The following MBTPS1 variants were observed in gnomAD, a reference collection of about 807,000 sequenced individuals.
The protein encoded by MBTPS1 is membrane-bound transcription factor site-1 protease.
A neutral mutation model predicts 127.8 loss-of-function variants in MBTPS1; 94 were observed. The observed-to-expected ratio is 0.74, with a 90% CI of 0.62 to 0.87. The LOEUF is 0.87. Among genes scored for constraint, MBTPS1 ranks in the 40% least tolerant of loss-of-function variants. The pLI is 0.00. For missense variants in MBTPS1, 1,636 were observed against 1,353.2 expected (o/e 1.21, Z -3.28); for synonymous variants, 632 against 509.4 (o/e 1.24, Z -3.24).
intron 18 of MBTPS1, 127 bp downstream of exon 18, chr16:84,065,563 G>A (rs879201021): frequency 1.4e-6 from 1 of 698,420 alleles, no homozygotes; most frequent in South Asian, 1.6e-5. Context: ...CAACTGTTAT[G>A]GTATGTAAAT....
chr16:84,095,058 T>C (rs74032824), intron 4 of MBTPS1, among the ~76,000 whole-genome samples: 15 of 152,360 alleles, frequency 9.8e-5, no homozygotes, highest in Admixed American at 3.9e-4. Context: ...CTGAATTTTA[T>C]TTCACAGGAC....
chr16:84,079,344 C>A lies in MBTPS1; in HGVS notation c.1448+2403G>T, dbSNP rs190401821. Among the ~76,000 whole-genome samples the A allele has an allele frequency of 1.7e-4, 26 of 152,226 alleles. No homozygotes were observed. The Middle Eastern group carries it at 0.017, about 100-fold the overall frequency. On this transcript the variant is annotated intron_variant, in intron 11 of 22. Transcript: ENST00000343411. Reference sequence around the variant, plus strand: ...AGAACAAACGAACACATCCTTAGAACCACAGTCATGTTTCACACACCCAAT... The same window carrying A: ...AGAACAAACGAACACATCCTTAGAAACACAGTCATGTTTCACACACCCAAT...
chr16:84,095,505 A>T, intron 4 of MBTPS1, 97 bp downstream of exon 4: 1 of 1,325,392 alleles, frequency 7.5e-7, no homozygotes, highest in Non-Finnish European at 1.1e-6. Context: ...AGTCCCGAAC[A>T]TGGAATTCCT....
chr16:84,091,914 T>C (rs1309496528), intron 6 of MBTPS1, 66 bp from the exon 7 acceptor site: 6 of 907,362 alleles, frequency 6.6e-6, no homozygotes, highest in African/African-American at 1.7e-5. Context: ...GGACAGTTTT[T>C]ATTTCTAAGG....
chr16:84,061,119 G>A (rs528858789), intron 19 of MBTPS1: 22 of 181,452 alleles, frequency 1.2e-4, no homozygotes, highest in East Asian at 5.6e-4. Context: ...CACGTGGCCC[G>A]GAATTTAGCT....
intron 14 of MBTPS1, among the ~76,000 whole-genome samples, chr16:84,068,951 T>TAC (rs781623288): frequency 6.6e-6 from 1 of 152,152 alleles, no homozygotes; most frequent in South Asian, 2.1e-4. Context: ...GGACACTGTA[T>TAC]ACACCCTCTA....
intron 18 of MBTPS1, among the ~76,000 whole-genome samples, chr16:84,064,098 GCAT>G (rs1387979762): frequency 6.6e-6 from 1 of 152,052 alleles, no homozygotes; most frequent in African/African-American, 2.4e-5. Context: ...GCCACAGGCA[GCAT>G]CATCAGTGGC....
chr16:84,096,795 G>A (rs1256513626), intron 3 of MBTPS1, among the ~76,000 whole-genome samples: 1 of 152,170 alleles, frequency 6.6e-6, no homozygotes, highest in Admixed American at 6.5e-5. Context: ...CCTCTGCTGA[G>A]TCTGATCTTT....
At chr16:84,061,036 T>G in intron 19 of MBTPS1, 1 of 360,182 alleles carries the variant, frequency 2.8e-6, no homozygotes, top group Non-Finnish European at 5.2e-6. Context: ...CTGGCTGGTC[T>G]CAAACTCCTG....
rs892742809 is a variant in MBTPS1 at position 84,102,098 on chromosome 16, G to T, written c.-315C>A. ...CAATGGGGTTGATCAATCAACCACT[G>T]TGAGCCAATCTATGAAACAAAAAAC... On this transcript the variant is annotated 5_prime_UTR_variant, in exon 2 of 23. Transcript: ENST00000343411. The T allele has an allele frequency of 8.7e-6, 2 of 229,930 alleles. No individual in the cohort carries two copies. Among genetic ancestry groups the T allele is most frequent in the Admixed American group, 5.2e-5 (1 of 19,146 alleles). The allele number at this position is 229,930 out of a possible 1,614,324, so 14.2% of individuals were successfully genotyped here.
Position 84,065,684 on chromosome 16 carries a change from C to G in MBTPS1, c.2431+6G>C. On this transcript the variant is annotated splice_donor_region_variant and intron_variant, in intron 18 of 22. Coordinates refer to ENST00000343411, the MANE Select transcript of MBTPS1 (RefSeq NM_003791.4). Reference sequence around the variant, plus strand: ...AAGCAAAAGGCCCATGAATGGCATCCTTTACCTTGGTCCTTGAAAGTCTGT... The same window carrying G: ...AAGCAAAAGGCCCATGAATGGCATCGTTTACCTTGGTCCTTGAAAGTCTGT... The G allele has an allele frequency of 6.2e-7, 1 of 1,609,000 alleles. No homozygotes were observed.
At chr16:84,116,556 G>T (rs1169483603) in intron 1 of MBTPS1, among the ~76,000 whole-genome samples, 179 bp downstream of exon 1, 1 of 152,160 alleles carries the variant, frequency 6.6e-6, no homozygotes, top group East Asian at 1.9e-4. Flanking sequence ...GCAGGGCCGC[G>T]GTACAGGCAC....
intron 15 of MBTPS1, 138 bp downstream of exon 15, chr16:84,068,201 G>A (rs1015278404): frequency 4.2e-5 from 28 of 663,282 alleles, no homozygotes; most frequent in Non-Finnish European, 6.9e-5. Flanking sequence ...CCTCGCCCCA[G>A]GCTCACCCAG....
intron 13 of MBTPS1, among the ~76,000 whole-genome samples, 156 bp downstream of exon 13, chr16:84,070,432 G>T (rs2085753099): frequency 6.6e-6 from 1 of 152,216 alleles, no homozygotes; most frequent in Non-Finnish European, 1.5e-5. Context: ...AACTCCAGCT[G>T]CTCCGGAGGC....
Position 84,099,286 on chromosome 16 carries a change from T to G in MBTPS1, c.188A>C (p.Tyr63Ser), listed in dbSNP as rs148890460. ...TGAATTTCTAGCTTTGGCTGTAAAG[T>G]ATCCATTGAAAGCCACAATATATTC... Reference protein sequence around the residue: ...EYEYIVAFNGYFTAKARNSFI... With the variant: ...EYEYIVAFNGSFTAKARNSFI... Residue 63 changes from tyrosine (Y) to serine (S), a missense_variant, in exon 3 of 23, where the codon TAC (tyrosine) becomes TCC (serine). Transcript: ENST00000343411. 6.2e-7 allele frequency: 1 copy of G among 1,614,040 alleles called. No individual in the cohort carries two copies. Among genetic ancestry groups the G allele is most frequent in the Non-Finnish European group, 8.5e-7 (1 of 1,179,988 alleles).
At chr16:84,074,165 A>G (rs1453729011) in intron 12 of MBTPS1, among the ~76,000 whole-genome samples, 1 of 152,188 alleles carries the variant, frequency 6.6e-6, no homozygotes, top group East Asian at 1.9e-4. Context: ...ACCCTGACTT[A>G]TTCTGTAACA....
intron 10 of MBTPS1, 71 bp downstream of exon 10, chr16:84,084,912 T>TCCTG (rs1225482738): frequency 1.3e-6 from 2 of 1,531,784 alleles, no homozygotes; most frequent in Non-Finnish European, 1.8e-6. Context: ...AAGACACGAC[T>TCCTG]CCTGCTCTGC....
intron 14 of MBTPS1, among the ~76,000 whole-genome samples, chr16:84,069,201 T>C (rs1442291911): frequency 3.3e-4 from 50 of 152,216 alleles, no homozygotes; most frequent in Non-Finnish European, 1.2e-4. Context: ...AGTTCAAACG[T>C]AGTCCAAACA....
rs1200903332 is a variant in MBTPS1 at position 84,097,448 on chromosome 16, A to T, written c.421+1605T>A. Among the ~76,000 whole-genome samples the T allele has an allele frequency of 3.3e-5, 5 of 152,224 alleles. No homozygotes were observed. The East Asian group carries it at 9.6e-4, about 29-fold the overall frequency. ...ACTGCTGAAGGTCACAGCTAACTTC[A>T]AGGGGCATGGGAACGCAGTGGGCAA... On this transcript the variant is annotated intron_variant, in intron 3 of 22. Coordinates refer to ENST00000343411, the MANE Select transcript of MBTPS1 (RefSeq NM_003791.4).
Sources: gnomAD v4.1 joint callset for allele counts (sites outside exome capture counted in the v4.1 genomes callset) on GRCh38, gnomAD v4.1.1 for gene constraint, MANE v1.5 for transcripts, NCBI Gene and HGNC (gene_info 2026-07-23, HGNC 2026-07-21) for gene names.